The following PARVB variants were observed in gnomAD, a reference collection of about 807,000 sequenced individuals.
The protein encoded by PARVB is parvin beta, also known as beta-parvin.
In PARVB, 46 loss-of-function variants were observed where a neutral mutation model predicts 47.0. That is an observed-to-expected ratio of 0.98 (90% CI 0.77 to 1.25). The LOEUF (loss-of-function observed/expected upper bound fraction) is 1.25, where lower values mean the gene tolerates loss of function less well. Ranked by LOEUF, PARVB falls within the 50% of genes most tolerant of loss-of-function variation. The pLI, the probability that PARVB is intolerant of heterozygous loss-of-function variation, is 0.00. For synonymous variants in PARVB, 196 were observed against 196.3 expected (o/e 1.00, Z 0.01); for missense variants, 473 against 471.6 (o/e 1.00, Z -0.03).
At position 44,132,891 on chromosome 22, in the gene PARVB, C is replaced by A. The variant is rs773501967; in HGVS notation, c.518-3C>A. 1.2e-6 allele frequency: 2 copies of A among 1,606,220 alleles called. No individual in the cohort carries two copies. Among genetic ancestry groups the A allele is most frequent in the African/African-American group, 1.3e-5 (1 of 74,758 alleles). On this transcript the variant is annotated splice_polypyrimidine_tract_variant and splice_region_variant and intron_variant, in intron 5 of 12. Transcript: ENST00000338758. Reference sequence around the variant, plus strand: ...GCGTCTCCCTTCCTCCTTCCTCCTGCAGCAATTCACGGGAAGAACCTGGTG... The same window carrying A: ...GCGTCTCCCTTCCTCCTTCCTCCTGAAGCAATTCACGGGAAGAACCTGGTG...
At chr22:44,150,378 A>G (rs1171785742) in intron 9 of PARVB, 1 of 151,806 alleles carries the variant, frequency 6.6e-6, no homozygotes, top group Non-Finnish European at 1.5e-5. Flanking sequence ...ATGTATTGCA[A>G]ATCGATAGGC....
At chr22:44,041,967 A>C (rs2051027009) in intron 1 of PARVB, among the ~76,000 whole-genome samples, 1 of 152,104 alleles carries the variant, frequency 6.6e-6, no homozygotes. Flanking sequence ...TTGGCATCTC[A>C]TCTCCATTCT....
At chr22:44,102,540 C>G (rs1330223359) in intron 3 of PARVB, among the ~76,000 whole-genome samples, 5 of 152,080 alleles carry the variant, frequency 3.3e-5, no homozygotes, top group Admixed American at 6.6e-5. Flanking sequence ...TGTGGAGACT[C>G]AGAGAGAGGT....
Position 44,131,721 on chromosome 22 carries a change from C to T in PARVB, c.517+94C>T, listed in dbSNP as rs1488342626. 5 of 1,360,558 alleles carry T rather than the reference C, an allele frequency of 3.7e-6. No homozygotes were observed. The East Asian group carries it at 7.1e-5, about 19-fold the overall frequency. The allele number at this position is 1,360,558 out of a possible 1,614,324, so 84.3% of individuals were successfully genotyped here. Reference sequence around the variant, plus strand: ...ATTTGTCATCCACATTCATCATCATCCCATCTGGCCTTGCATCTTAAAATT... The same window carrying T: ...ATTTGTCATCCACATTCATCATCATTCCATCTGGCCTTGCATCTTAAAATT... On this transcript the variant is annotated intron_variant, in intron 5 of 12. Transcript: ENST00000338758.
At chr22:44,128,821 T>C (rs1281912418) in intron 4 of PARVB, among the ~76,000 whole-genome samples, 1 of 152,224 alleles carries the variant, frequency 6.6e-6, no homozygotes, top group East Asian at 1.9e-4. Context: ...CTCACACCTG[T>C]AATCCCAGCA....
At chr22:44,020,368 C>G (rs1399077646), upstream of PARVB, among the ~76,000 whole-genome samples, 1 of 152,022 alleles carries the variant, frequency 6.6e-6, no homozygotes, top group African/African-American at 2.4e-5. Flanking sequence ...CAGAGGGGGT[C>G]TTGCCATATT....
chr22:44,122,488 A>AGAGAGAGAG (rs2053069849), intron 4 of PARVB, among the ~76,000 whole-genome samples: 2 of 76,618 alleles, frequency 2.6e-5, no homozygotes, highest in South Asian at 4.6e-4. Flanking sequence ...CCTGTCGATC[A>AGAGAGAGAG]AGAGAGAGAG....
rs529958168 is a variant in PARVB, at chr22:44,060,742, G to C, written c.113-33186G>C. 2.4e-4 allele frequency among the ~76,000 whole-genome samples: 36 copies of C among 152,054 alleles called. 1 individual carries two copies. The South Asian group carries it at 6.7e-3, about 28-fold the overall frequency. ...AGAGGTCTAATCAGCCGGCTGGAGT[G>C]GGGTGCTGGGTTTAGTTCATTCCTT... On this transcript the variant is annotated intron_variant, in intron 1 of 12. Coordinates refer to ENST00000338758, the MANE Select transcript of PARVB (RefSeq NM_013327.5).
chr22:44,106,926 G>A (rs768561803), intron 3 of PARVB: 9 of 152,150 alleles, frequency 5.9e-5, no homozygotes, highest in South Asian at 2.1e-4. Context: ...GGTGAAGGTC[G>A]GCTCTAGGGT....
chr22:44,102,775 G>A (rs1569115188), intron 3 of PARVB: 1 of 152,370 alleles, frequency 6.6e-6, no homozygotes, highest in East Asian at 1.9e-4. Context: ...CGGAGGTCAA[G>A]GGTGCAATGA....
intron 1 of PARVB, among the ~76,000 whole-genome samples, chr22:44,088,026 G>A (rs2052072525): frequency 6.6e-6 from 1 of 152,044 alleles, no homozygotes; most frequent in South Asian, 2.1e-4. Context: ...TGATCTCTCT[G>A]AGGTGTGTTA....
rs1011510130 is a variant in PARVB at position 44,132,997 on chromosome 22, G to C, written c.621G>C (p.Val207=). ...IRLPEHVTVQ[V]VVVRKREGLL... ...TTCCTGAGCATGTAACGGTGCAGGTGGTGGTCGTGCGGGTGAGTATAACCG... is the reference window on the plus strand; with the variant it reads ...TTCCTGAGCATGTAACGGTGCAGGTCGTGGTCGTGCGGGTGAGTATAACCG... The change falls in exon 6 of 13, where the codon GTG becomes GTC. Residue 207 remains valine (V), a synonymous_variant. Coordinates refer to ENST00000338758, the MANE Select transcript of PARVB (RefSeq NM_013327.5). The C allele has an allele frequency of 1.2e-6, 2 of 1,613,200 alleles. No homozygotes were observed. Among genetic ancestry groups the C allele is most frequent in the Non-Finnish European group, 1.7e-6 (2 of 1,179,472 alleles).
chr22:44,024,527 A>T, intron 1 of PARVB, 76 bp downstream of exon 1: 3 of 695,380 alleles, frequency 4.3e-6, no homozygotes, highest in Non-Finnish European at 5.5e-6. Context: ...GAGCCCCACG[A>T]GGCCGCCCCC....
At chr22:44,138,537 G>T (rs2053488178) in intron 7 of PARVB, among the ~76,000 whole-genome samples, 1 of 152,144 alleles carries the variant, frequency 6.6e-6, no homozygotes, top group Non-Finnish European at 1.5e-5. Flanking sequence ...CCTCCCCGTG[G>T]CTGCGGAGGC....
At chr22:44,129,555 A>G (rs1044703365) in intron 4 of PARVB, among the ~76,000 whole-genome samples, 3 of 152,084 alleles carry the variant, frequency 2.0e-5, no homozygotes, top group South Asian at 2.1e-4. Flanking sequence ...GTATGATCCT[A>G]TCTCTCTCCT....
rs2054230256 is a variant in PARVB, at chr22:44,168,768, T to G, written c.*90T>G. The G allele has an allele frequency of 4.6e-6, 4 of 871,174 alleles. No individual in the cohort carries two copies. Among genetic ancestry groups the G allele is most frequent in the Non-Finnish European group, 7.7e-6 (4 of 518,518 alleles). 54.0% of individuals were successfully genotyped at this position (871,174 alleles called of 1,614,324 possible). A position where few individuals can be genotyped will look rare whatever the true frequency, so the allele number is the denominator to read the frequency against. The stretch of plus-strand genomic sequence containing the variant: ...TGCCTTTCCAGGGAGCCAGGCGCCA[T>G]GGGCTTCTGGTCCAAGCTGTGTTGA... On this transcript the variant is annotated 3_prime_UTR_variant, in exon 13 of 13. Transcript: ENST00000338758.
chr22:44,016,298 G>A (rs140178505), intron 2 of PARVB, among the ~76,000 whole-genome samples: 2,918 of 151,862 alleles, frequency 0.019, 33 homozygotes, highest in Non-Finnish European at 0.027. Context: ...GGGTTTCACC[G>A]TGTTAGCCAG....
chr22:44,093,139 C>G (rs904123081), intron 1 of PARVB, among the ~76,000 whole-genome samples: 1 of 152,140 alleles, frequency 6.6e-6, no homozygotes, highest in Non-Finnish European at 1.5e-5. Flanking sequence ...GTGGAGAAAG[C>G]GTGACATTAC....
rs114655667 is a variant in PARVB at position 44,001,664 on chromosome 22, C to T, written c.211+1991C>T. On this transcript the variant is annotated intron_variant, in intron 2 of 13. Coordinates refer to the PARVB transcript ENST00000406477. ...GCTGCCAAGCTCATGGTGCTGGATC[C>T]AAGTTTCCAAAAATTCCAGTTTTCA... is the stretch of plus-strand genomic sequence containing the variant. Among the ~76,000 whole-genome samples, 654 of 152,264 alleles carry T rather than the reference C, an allele frequency of 4.3e-3. 5 individuals are homozygous for T. Among genetic ancestry groups the T allele is most frequent in the African/African-American group, 0.015 (628 of 41,538 alleles).
Sources: gnomAD v4.1 joint callset for allele counts (sites outside exome capture counted in the v4.1 genomes callset) on GRCh38, gnomAD v4.1.1 for gene constraint, MANE v1.5 for transcripts, NCBI Gene and HGNC (gene_info 2026-07-23, HGNC 2026-07-21) for gene names.